HMGN5: variants seen among roughly 807,000 people sequenced by gnomAD.
The protein encoded by HMGN5 is high mobility group nucleosome binding domain 5, also known as high mobility group nucleosome-binding domain-containing protein 5.
A neutral mutation model predicts 9.5 loss-of-function variants in HMGN5; 4 were observed. The observed-to-expected ratio is 0.42, with a 90% CI of 0.21 to 0.96. HMGN5 has a LOEUF of 0.96. HMGN5 is among the 40% of genes least tolerant of loss of function. The pLI is 0.30. For missense variants in HMGN5, 192 were observed against 187.5 expected, an observed-to-expected ratio of 1.02 and a Z score of -0.14; for synonymous variants, 55 against 57.1, an observed-to-expected ratio of 0.96 and a Z score of 0.16.
chrX:81,116,399 A>T, intron 5 of HMGN5, 58 bp from the exon 6 acceptor site: 1 of 807,592 alleles, frequency 1.2e-6, no homozygotes, highest in Non-Finnish European at 1.8e-6. Context: ...TGTGTTGATT[A>T]AATGGTCACA....
At chrX:81,174,335 A>C (rs6622418) in intron 1 of HMGN5, among the ~76,000 whole-genome samples, 2 of 111,586 alleles carry the variant, frequency 1.8e-5, no homozygotes, top group East Asian at 5.6e-4. Context: ...ATAAGGGTAG[A>C]ATAACACTAG....
intron 1 of HMGN5, among the ~76,000 whole-genome samples, chrX:81,158,510 A>T (rs2075389673): frequency 8.9e-6 from 1 of 111,735 alleles, no homozygotes; most frequent in Non-Finnish European, 1.9e-5. Context: ...CCACTTTTTA[A>T]TGGTTTTCTT....
intron 1 of HMGN5, among the ~76,000 whole-genome samples, chrX:81,179,361 A>G (rs1304277441): frequency 8.9e-6 from 1 of 111,990 alleles, no homozygotes; most frequent in Non-Finnish European, 1.9e-5. Context: ...AAGTCTCAGG[A>G]TACAAAATCA....
At chrX:81,137,742 A>G (rs770251588) in intron 1 of HMGN5, among the ~76,000 whole-genome samples, 1 of 111,975 alleles carries the variant, frequency 8.9e-6, no homozygotes, top group South Asian at 3.6e-4. Context: ...AAAACATTGG[A>G]GAAAATTGAT....
chrX:81,116,244 T>C lies in HMGN5; in HGVS notation c.227A>G (p.Tyr76Cys), dbSNP rs1447565406. Reference sequence around the variant, plus strand: ...TTCTCCATTTTTAGCATTTTCATTGTAGTCTTCTTCAACAACTGCTTCTTG... The same window carrying C: ...TTCTCCATTTTTAGCATTTTCATTGCAGTCTTCTTCAACAACTGCTTCTTG... ...TKQEAVVEED[Y>C]NENAKNGEAK... The change falls in exon 6 of 7, where the codon TAC becomes TGC. Residue 76 changes from tyrosine (Y) to cysteine (C), a missense_variant. Transcript: ENST00000358130. 8.3e-7 allele frequency: 1 copy of C among 1,198,463 alleles called. No individual in the cohort carries two copies. The highest frequency in any genetic ancestry group is 2.2e-5 in the Admixed American group (1 of 45,784).
chrX:81,180,709 CA>C (rs1446335836), intron 1 of HMGN5, among the ~76,000 whole-genome samples: 3 of 111,587 alleles, frequency 2.7e-5, no homozygotes, highest in African/African-American at 9.8e-5. Context: ...GATATATACC[CA>C]AAGGATCACA....
intron 1 of HMGN5, among the ~76,000 whole-genome samples, chrX:81,122,988 C>T (rs986299107): frequency 9.0e-6 from 1 of 111,403 alleles, no homozygotes; most frequent in African/African-American, 3.3e-5. Flanking sequence ...AATCCTTATC[C>T]TGGAGGGTTA....
chrX:81,173,121 G>A (rs973310276), intron 1 of HMGN5, among the ~76,000 whole-genome samples: 9 of 110,752 alleles, frequency 8.1e-5, no homozygotes, highest in African/African-American at 2.6e-4. Flanking sequence ...TAACTCAAAT[G>A]TACATCACAG....
At chrX:81,145,195 A>G (rs972094607) in intron 1 of HMGN5, among the ~76,000 whole-genome samples, 3 of 111,869 alleles carry the variant, frequency 2.7e-5, no homozygotes, top group Non-Finnish European at 5.6e-5. Flanking sequence ...ATACATAATC[A>G]TCAGATTCAC....
At chrX:81,127,787 ACT>A (rs1377611235) in intron 1 of HMGN5, among the ~76,000 whole-genome samples, 2 of 110,999 alleles carry the variant, frequency 1.8e-5, no homozygotes, top group African/African-American at 3.3e-5. Context: ...AGATATGAAC[ACT>A]CTGATGAAGT....
chrX:81,186,244 GCTTTT>G (rs1326419896), intron 1 of HMGN5, among the ~76,000 whole-genome samples: 1 of 111,437 alleles, frequency 9.0e-6, no homozygotes, highest in Non-Finnish European at 1.9e-5. Flanking sequence ...TGGGTGCCAG[GCTTTT>G]CTTTACTAAA....
intron 1 of HMGN5, among the ~76,000 whole-genome samples, chrX:81,148,716 T>A (rs1296973182): frequency 9.0e-6 from 1 of 110,783 alleles, no homozygotes; most frequent in South Asian, 3.8e-4. Context: ...GGGAGAAAAA[T>A]TTTGCAATCT....
chrX:81,152,610 A>G (rs926564170), intron 1 of HMGN5, among the ~76,000 whole-genome samples: 4 of 111,250 alleles, frequency 3.6e-5, no homozygotes, highest in African/African-American at 1.3e-4. Context: ...ATCTAGAACT[A>G]GAAATACCAT....
chrX:81,143,963 G>C (rs767568784), intron 1 of HMGN5, among the ~76,000 whole-genome samples: 1 of 111,940 alleles, frequency 8.9e-6, no homozygotes. Flanking sequence ...TTCCTCTCTT[G>C]GCAGGTCATC....
chrX:81,176,892 G>C (rs1312643045), intron 1 of HMGN5, among the ~76,000 whole-genome samples: 2 of 111,059 alleles, frequency 1.8e-5, no homozygotes, highest in Admixed American at 1.9e-4. Context: ...CCCCAACCTA[G>C]AAAGACCTAG....
chrX:81,198,394 T>C (rs1406680228), intron 1 of HMGN5, among the ~76,000 whole-genome samples: 1 of 110,830 alleles, frequency 9.0e-6, no homozygotes, highest in East Asian at 2.8e-4. Flanking sequence ...AGCATCCTGA[T>C]ACCAAAGCCT....
intron 1 of HMGN5, among the ~76,000 whole-genome samples, chrX:81,132,541 G>T (rs957596830): frequency 1.8e-5 from 2 of 110,904 alleles, no homozygotes; most frequent in African/African-American, 6.6e-5. Flanking sequence ...AAATAAGACT[G>T]CACAACTAAA....
chrX:81,164,253 A>G (rs1445556676), intron 1 of HMGN5, among the ~76,000 whole-genome samples: 1 of 111,981 alleles, frequency 8.9e-6, no homozygotes, highest in African/African-American at 3.2e-5. Context: ...ACTCACATCA[A>G]TTTGTTGCTT....
chrX:81,163,919 C>A (rs1306877487), intron 1 of HMGN5, among the ~76,000 whole-genome samples: 1 of 111,379 alleles, frequency 9.0e-6, no homozygotes, highest in African/African-American at 3.3e-5. Flanking sequence ...CAATTCTAGG[C>A]AGTCAGGGGC....
Sources: gnomAD v4.1 joint callset for allele counts (sites outside exome capture counted in the v4.1 genomes callset) on GRCh38, gnomAD v4.1.1 for gene constraint, MANE v1.5 for transcripts, NCBI Gene and HGNC (gene_info 2026-07-23, HGNC 2026-07-21) for gene names.